The following PPA2 variants were observed in gnomAD, a reference collection of about 807,000 sequenced individuals.
The protein encoded by PPA2 is inorganic pyrophosphatase 2, mitochondrial.
A neutral mutation model predicts 49.5 loss-of-function variants in PPA2; 48 were observed. The ratio of observed to expected loss-of-function variants is 0.97; its 90% CI spans 0.77 to 1.23. PPA2 has a LOEUF of 1.23. PPA2 is among the 50% of genes most tolerant of loss of function. The pLI is 0.00. For missense variants in PPA2, 429 were observed against 410.1 expected (o/e 1.05, Z -0.40); for synonymous variants, 131 against 139.9 (o/e 0.94, Z 0.45).
chr4:105,437,279 G>A (rs1724105064), intron 6 of PPA2, among the ~76,000 whole-genome samples: 1 of 152,098 alleles, frequency 6.6e-6, no homozygotes. Flanking sequence ...AAAATTAAAG[G>A]TAAGATGTTC....
At chr4:105,388,071 G>A (rs985916549) in intron 9 of PPA2, among the ~76,000 whole-genome samples, 1 of 146,098 alleles carries the variant, frequency 6.8e-6, no homozygotes, top group South Asian at 2.1e-4. Context: ...GGGGGCGGGG[G>A]TGGGGAGGTC....
chr4:105,418,014 A>G (rs1408662937), intron 7 of PPA2, among the ~76,000 whole-genome samples: 3 of 152,242 alleles, frequency 2.0e-5, no homozygotes, highest in Non-Finnish European at 4.4e-5. Context: ...ATCCTTAAAA[A>G]AAGAGAATAA....
In PPA2 at chr4:105,437,956, G is replaced by C; in HGVS notation, c.522C>G (p.Gly174=). The C allele has an allele frequency of 6.2e-7, 1 of 1,601,550 alleles. No homozygotes were observed. The highest frequency in any genetic ancestry group is 8.5e-7 in the Non-Finnish European group (1 of 1,176,376). ...TACAGTCTATAAAACAAACCTTTGA[G>C]CCTATTTCGCAAACATCAATAGGAT... ...DNDPIDVCEI[G]SKILSCGEVI... is the part of the protein sequence containing the mutation. Residue 174 remains glycine, a synonymous_variant, in exon 6 of 12, where the codon GGC becomes GGG. Coordinates refer to ENST00000341695, the MANE Select transcript of PPA2 (RefSeq NM_176869.3).
At chr4:105,463,576 C>T (rs1033473634) in intron 1 of PPA2, among the ~76,000 whole-genome samples, 4 of 152,200 alleles carry the variant, frequency 2.6e-5, no homozygotes, top group Admixed American at 6.5e-5. Flanking sequence ...ATGTCTCTAG[C>T]GCATGTCAGA....
At chr4:105,413,394 A>G (rs1722853229) in intron 7 of PPA2, among the ~76,000 whole-genome samples, 1 of 152,192 alleles carries the variant, frequency 6.6e-6, no homozygotes, top group African/African-American at 2.4e-5. Context: ...GGTGCAGCAA[A>G]CCAGCATGGC....
chr4:105,381,931 G>A (rs1274294717), intron 10 of PPA2, among the ~76,000 whole-genome samples: 1 of 151,924 alleles, frequency 6.6e-6, no homozygotes, highest in Non-Finnish European at 1.5e-5. Flanking sequence ...TAATTGTTAA[G>A]TTACAATTTG....
intron 1 of PPA2, among the ~76,000 whole-genome samples, chr4:105,460,249 C>T (rs1433030163): frequency 6.6e-6 from 1 of 152,040 alleles, no homozygotes; most frequent in Non-Finnish European, 1.5e-5. Context: ...CATGGCATTA[C>T]AAGGCATCAG....
At chr4:105,405,420 A>C in intron 7 of PPA2, 1 of 807,838 alleles carries the variant, frequency 1.2e-6, no homozygotes, top group Non-Finnish European at 1.5e-6. Context: ...CTCTAATATT[A>C]TTACAATTTA....
intron 1 of PPA2, among the ~76,000 whole-genome samples, chr4:105,462,326 G>T (rs1331728549): frequency 6.6e-6 from 1 of 152,134 alleles, no homozygotes; most frequent in Non-Finnish European, 1.5e-5. Flanking sequence ...CAGGCTGCTT[G>T]TTTCTTAACA....
chr4:105,428,247 G>A (rs1392829192), intron 6 of PPA2, among the ~76,000 whole-genome samples: 5 of 152,074 alleles, frequency 3.3e-5, no homozygotes, highest in Admixed American at 6.5e-5. Context: ...GCAAAGACAC[G>A]CCAAATTGTA....
At chr4:105,378,370 T>C (rs937651333) in intron 10 of PPA2, among the ~76,000 whole-genome samples, 4 of 152,168 alleles carry the variant, frequency 2.6e-5, no homozygotes, top group Non-Finnish European at 4.4e-5. Context: ...TTTGTACTTT[T>C]TAAAAAATTC....
chr4:105,455,498 C>T (rs540848437), intron 2 of PPA2, among the ~76,000 whole-genome samples: 1 of 152,084 alleles, frequency 6.6e-6, no homozygotes, highest in African/African-American at 2.4e-5. Flanking sequence ...CCAAAACACA[C>T]GAGATTTGTG....
intron 1 of PPA2, among the ~76,000 whole-genome samples, chr4:105,472,066 A>C (rs1343482101): frequency 6.6e-6 from 1 of 152,226 alleles, no homozygotes; most frequent in East Asian, 1.9e-4. Flanking sequence ...TCCTGTCTTA[A>C]CAGAGACTGT....
At chr4:105,426,354 G>A (rs968417540) in intron 6 of PPA2, among the ~76,000 whole-genome samples, 2 of 152,328 alleles carry the variant, frequency 1.3e-5, no homozygotes, top group South Asian at 4.1e-4. Context: ...GCAGCCCTCG[G>A]AGAGCAAGCC....
At chr4:105,415,407 G>T (rs1468501250) in intron 7 of PPA2, among the ~76,000 whole-genome samples, 4 of 152,250 alleles carry the variant, frequency 2.6e-5, no homozygotes, top group South Asian at 4.1e-4. Flanking sequence ...GTGGCAGGGG[G>T]CTGGTGTGTC....
At chr4:105,410,844 C>T (rs981259027) in intron 7 of PPA2, among the ~76,000 whole-genome samples, 1 of 152,132 alleles carries the variant, frequency 6.6e-6, no homozygotes, top group African/African-American at 2.4e-5. Context: ...AAACAAAATC[C>T]TTTACAGACA....
At chr4:105,391,454 T>C (rs1473707366) in intron 9 of PPA2, among the ~76,000 whole-genome samples, 2 of 152,084 alleles carry the variant, frequency 1.3e-5, no homozygotes, top group African/African-American at 4.8e-5. Flanking sequence ...ATATATTTAT[T>C]TATTTATTCA....
intron 6 of PPA2, among the ~76,000 whole-genome samples, chr4:105,435,298 A>C (rs995253939): frequency 1.3e-5 from 2 of 152,186 alleles, no homozygotes; most frequent in Non-Finnish European, 2.9e-5. Flanking sequence ...GGTCTTATTA[A>C]TTAAAGGAAT....
intron 3 of PPA2, among the ~76,000 whole-genome samples, chr4:105,450,863 T>TCC (rs911855673): frequency 2.6e-5 from 4 of 152,174 alleles, no homozygotes; most frequent in African/African-American, 9.6e-5. Context: ...CACCTCGGCC[T>TCC]CCCAAAGTGC....
Sources: allele counts gnomAD v4.1 joint callset (sites outside exome capture counted in the v4.1 genomes callset), GRCh38; gene constraint gnomAD v4.1.1; transcripts MANE v1.5; gene names NCBI Gene and HGNC (gene_info 2026-07-23, HGNC 2026-07-21).